Variants in MEIOB observed in about 807,000 individuals in gnomAD.
MEIOB encodes meiosis-specific with OB domain-containing protein.
MEIOB carries 50 observed loss-of-function variants against 53.1 expected under a neutral mutation model. The ratio of observed to expected loss-of-function variants is 0.94; its 90% CI spans 0.75 to 1.19. The LOEUF (loss-of-function observed/expected upper bound fraction) is 1.19, where lower values mean the gene tolerates loss of function less well. Among genes scored for constraint, MEIOB ranks in the 50% most tolerant of loss-of-function variants. The probability of loss-of-function intolerance (pLI) is 0.00; values close to 1 mark genes in which losing one functional copy is unlikely to be tolerated. For synonymous variants in MEIOB, 192 were observed against 182.5 expected (o/e 1.05, Z -0.42); for missense variants, 551 against 550.8 (o/e 1.00, Z 0.00).
intron 9 of MEIOB, among the ~76,000 whole-genome samples, chr16:1,847,332 C>T (rs192978919): frequency 4.0e-5 from 6 of 151,798 alleles, no homozygotes; most frequent in African/African-American, 7.2e-5. Context: ...TGTGGTGGTG[C>T]GCGCCTGTAA....
chr16:1,853,019 G>A lies in MEIOB; in HGVS notation c.778+20C>T, dbSNP rs968214667. 1 of 1,454,782 alleles carries A rather than the reference G, an allele frequency of 6.9e-7. No individual in the cohort carries two copies. Among genetic ancestry groups the A allele is most frequent in the Non-Finnish European group, 9.6e-7 (1 of 1,037,124 alleles). 90.1% of individuals were successfully genotyped at this position (1,454,782 alleles called of 1,614,324 possible). On this transcript the variant is annotated intron_variant, in intron 9 of 13. Transcript: ENST00000325962. ...TTCAGTCATTTCCAAAGGGATAAAA[G>A]GTTTCACAAAGTTTTTTACCTGGAT...
rs372656598 is a variant in MEIOB at position 1,835,262 on chromosome 16, C to CA, written c.1306-897dup. On this transcript the variant is annotated intron_variant, in intron 13 of 13. Coordinates refer to ENST00000325962, the MANE Select transcript of MEIOB (RefSeq NM_001163560.3). The stretch of plus-strand genomic sequence containing the variant: ...GAGCGAGCAGAGTGAGACTGTGTCT[C>CA]AAAAAAAAAAAAAAGTATAACATAT... 3.3e-3 allele frequency among the ~76,000 whole-genome samples: 349 copies of CA among 106,058 alleles called. 1 individual carries two copies. Among genetic ancestry groups the CA allele is most frequent in the Admixed American group, 7.1e-3 (71 of 9,956 alleles). 69.6% of individuals were successfully genotyped at this position (106,058 alleles called of 152,430 possible). A position where few individuals can be genotyped will look rare whatever the true frequency, so the allele number is the denominator to read the frequency against.
intron 1 of MEIOB, among the ~76,000 whole-genome samples, chr16:1,871,644 C>T (rs1355350658): frequency 6.7e-6 from 1 of 148,758 alleles, no homozygotes; most frequent in East Asian, 2.0e-4. Context: ...CCTGGTTCAG[C>T]CTCCACAGTA....
At chr16:1,839,218 G>T in intron 12 of MEIOB, 37 bp downstream of exon 12, 1 of 1,515,142 alleles carries the variant, frequency 6.6e-7, no homozygotes, top group South Asian at 1.3e-5. Context: ...ATTCACTTTG[G>T]AAATATTCTA....
intron 6 of MEIOB, among the ~76,000 whole-genome samples, chr16:1,854,544 T>G (rs11643972): frequency 0.83 from 125,454 of 151,950 alleles, 51,905 homozygotes; most frequent in Middle Eastern, 0.9. Context: ...TCCAGCACCT[T>G]TGTATCCCCA....
intron 3 of MEIOB, among the ~76,000 whole-genome samples, chr16:1,864,494 T>C (rs1048261240): frequency 9.3e-5 from 14 of 150,454 alleles, no homozygotes; most frequent in East Asian, 3.9e-4. Context: ...TTTCTTTTTT[T>C]TTTTTTTTTT....
chr16:1,849,163 G>A (rs992297417), intron 9 of MEIOB, among the ~76,000 whole-genome samples: 3 of 152,030 alleles, frequency 2.0e-5, no homozygotes, highest in African/African-American at 4.8e-5. Flanking sequence ...GCTCACACCT[G>A]TAATCCCAAC....
At chr16:1,850,370 G>A (rs1899136126) in intron 9 of MEIOB, among the ~76,000 whole-genome samples, 2 of 150,604 alleles carry the variant, frequency 1.3e-5, no homozygotes, top group Admixed American at 6.6e-5. Flanking sequence ...CTGGAGCCCA[G>A]AAGTTCAAGA....
At chr16:1,854,556 G>A (rs970275128) in intron 6 of MEIOB, among the ~76,000 whole-genome samples, 28 of 152,172 alleles carry the variant, frequency 1.8e-4, no homozygotes, top group African/African-American at 6.8e-4. Context: ...GTATCCCCAT[G>A]GCTCAGCGTG....
intron 2 of MEIOB, among the ~76,000 whole-genome samples, chr16:1,866,615 G>A (rs1045883880): frequency 1.4e-4 from 21 of 151,976 alleles, no homozygotes; most frequent in Non-Finnish European, 2.6e-4. Flanking sequence ...CCAGCTACTC[G>A]CGAGGCTGAG....
At chr16:1,868,866 A>T (rs908150918) in intron 1 of MEIOB, among the ~76,000 whole-genome samples, 21 of 151,738 alleles carry the variant, frequency 1.4e-4, no homozygotes, top group African/African-American at 5.1e-4. Flanking sequence ...AAGAATAAAT[A>T]AATAAAATAA....
chr16:1,859,242 T>C (rs1399762789), intron 5 of MEIOB, among the ~76,000 whole-genome samples: 4 of 152,146 alleles, frequency 2.6e-5, no homozygotes, highest in African/African-American at 4.8e-5. Context: ...AGAGAGAGAA[T>C]AGAAAATACA....
intron 2 of MEIOB, among the ~76,000 whole-genome samples, 196 bp downstream of exon 2, chr16:1,867,911 A>AATAG (rs1899634922): frequency 6.6e-6 from 1 of 151,774 alleles, no homozygotes; most frequent in African/African-American, 2.4e-5. Context: ...TCTACACACA[A>AATAG]AGATTAATTT....
intron 10 of MEIOB, among the ~76,000 whole-genome samples, chr16:1,843,776 GCAA>G (rs944788737): frequency 4.5e-4 from 68 of 150,936 alleles, no homozygotes; most frequent in African/African-American, 1.5e-3. Flanking sequence ...AGGATGTGAA[GCAA>G]CAACAAAAAT....
At chr16:1,849,229 G>A (rs2142085835) in intron 9 of MEIOB, among the ~76,000 whole-genome samples, 1 of 151,810 alleles carries the variant, frequency 6.6e-6, no homozygotes, top group African/African-American at 2.4e-5. Context: ...GACCATCCTG[G>A]CCAACATGGT....
intron 10 of MEIOB, chr16:1,843,469 C>T (rs1048399259): frequency 6.6e-6 from 1 of 151,830 alleles, no homozygotes. Flanking sequence ...GAGGTTGAGA[C>T]TGGTCGATCG....
chr16:1,860,961 C>A (rs1203041401), intron 4 of MEIOB, among the ~76,000 whole-genome samples: 1 of 152,090 alleles, frequency 6.6e-6, no homozygotes, highest in African/African-American at 2.4e-5. Context: ...AACTAGTATA[C>A]ATGCTTTCTT....
Position 1,865,443 on chromosome 16 carries a change from G to A in MEIOB, c.127+335C>T, listed in dbSNP as rs75220247. On this transcript the variant is annotated intron_variant, in intron 3 of 13. Coordinates refer to ENST00000325962, the MANE Select transcript of MEIOB (RefSeq NM_001163560.3). ...CGAGCCTCCATCTCAAAAAAAAAAAGAGAGAACACATGTACTCAAATATAC... is the reference window on the plus strand; with the variant it reads ...CGAGCCTCCATCTCAAAAAAAAAAAAAGAGAACACATGTACTCAAATATAC... 6.7e-3 allele frequency among the ~76,000 whole-genome samples: 658 copies of A among 98,268 alleles called. 2 individuals carry two copies. The highest frequency in any genetic ancestry group is 0.022 in the African/African-American group (589 of 26,542). The allele number at this position is 98,268 out of a possible 152,430, so 64.5% of individuals were successfully genotyped here.
At chr16:1,849,334 C>G (rs888994537) in intron 9 of MEIOB, among the ~76,000 whole-genome samples, 2 of 151,762 alleles carry the variant, frequency 1.3e-5, no homozygotes, top group Non-Finnish European at 2.9e-5. Context: ...AGGCAGATCA[C>G]GAGATCAAGA....
Sources: gnomAD v4.1 joint callset for allele counts (sites outside exome capture counted in the v4.1 genomes callset) on GRCh38, gnomAD v4.1.1 for gene constraint, MANE v1.5 for transcripts, NCBI Gene and HGNC (gene_info 2026-07-23, HGNC 2026-07-21) for gene names.